PDE3A: variants seen among roughly 807,000 people sequenced by gnomAD.
PDE3A encodes phosphodiesterase 3A, also known as cGMP-inhibited 3',5'-cyclic phosphodiesterase 3A.
A neutral mutation model predicts 98.3 loss-of-function variants in PDE3A; 43 were observed. The ratio of observed to expected loss-of-function variants is 0.44; its 90% CI spans 0.34 to 0.56. PDE3A has a LOEUF of 0.56. Ranked by LOEUF, PDE3A falls within the 20% of genes least tolerant of loss-of-function variation. The pLI is 0.01. For synonymous variants in PDE3A, 663 were observed against 567.9 expected, an observed-to-expected ratio of 1.17 and a Z score of -2.38; for missense variants, 1,427 against 1,440.7, an observed-to-expected ratio of 0.99 and a Z score of 0.15.
At chr12:20,404,863 A>G (rs971555900) in intron 1 of PDE3A, among the ~76,000 whole-genome samples, 1 of 125,810 alleles carries the variant, frequency 7.9e-6, no homozygotes, top group African/African-American at 3.1e-5. Flanking sequence ...AGGAACTAGC[A>G]TGTAAATCCT....
intron 1 of PDE3A, among the ~76,000 whole-genome samples, chr12:20,466,623 A>T (rs1028571200): frequency 1.3e-5 from 2 of 152,226 alleles, no homozygotes; most frequent in African/African-American, 4.8e-5. Context: ...AGTGTCTCAT[A>T]TAAAAGGCAA....
At chr12:20,595,622 T>A (rs757287564) in intron 2 of PDE3A, among the ~76,000 whole-genome samples, 7 of 152,192 alleles carry the variant, frequency 4.6e-5, no homozygotes, top group Non-Finnish European at 1.0e-4. Flanking sequence ...AGAATGTAGC[T>A]GATGATAGAG....
intron 1 of PDE3A, among the ~76,000 whole-genome samples, chr12:20,492,573 A>G (rs978188466): frequency 2.6e-5 from 4 of 152,166 alleles, no homozygotes; most frequent in African/African-American, 9.7e-5. Context: ...GACCAAAGGC[A>G]CGAGGAGAGG....
rs1946045338 is a variant in PDE3A, at chr12:20,688,551, G to C, written c.*8280G>C. ...TATCTATGTCGATGTTATGAGTGAA[G>C]ATAATGTATAATATAAAAATAATTC... On this transcript the variant is annotated 3_prime_UTR_variant, in exon 16 of 16. Coordinates refer to ENST00000359062, the MANE Select transcript of PDE3A (RefSeq NM_000921.5). Among the ~76,000 whole-genome samples the C allele has an allele frequency of 6.6e-6, 1 of 151,786 alleles. No homozygotes were observed. The highest frequency in any genetic ancestry group is 1.5e-5 in the Non-Finnish European group (1 of 67,934).
intron 2 of PDE3A, among the ~76,000 whole-genome samples, chr12:20,567,092 A>C (rs940640608): frequency 3.9e-5 from 6 of 151,982 alleles, no homozygotes; most frequent in African/African-American, 1.4e-4. Flanking sequence ...ACTTCAAACA[A>C]GTTTTGCTAA....
At chr12:20,510,765 G>A (rs983507136) in intron 1 of PDE3A, among the ~76,000 whole-genome samples, 3 of 152,148 alleles carry the variant, frequency 2.0e-5, no homozygotes, top group South Asian at 4.1e-4. Flanking sequence ...TGAAGTTGAG[G>A]AAGATTCCAT....
intron 1 of PDE3A, among the ~76,000 whole-genome samples, chr12:20,478,042 C>CT (rs2120993939): frequency 6.6e-6 from 1 of 152,254 alleles, no homozygotes; most frequent in East Asian, 1.9e-4. Context: ...ATGTGTAAGG[C>CT]TTTAAGCTTC....
intron 1 of PDE3A, among the ~76,000 whole-genome samples, chr12:20,379,688 G>A (rs1345708055): frequency 6.6e-6 from 1 of 151,702 alleles, no homozygotes; most frequent in Non-Finnish European, 1.5e-5. Context: ...TGAGGTTGAG[G>A]TAGTGACTAA....
intron 5 of PDE3A, among the ~76,000 whole-genome samples, chr12:20,627,211 C>G (rs1454881974): frequency 1.3e-5 from 2 of 150,562 alleles, no homozygotes; most frequent in Non-Finnish European, 2.9e-5. Flanking sequence ...ATGAGAACAG[C>G]TAAGGAATTG....
At chr12:20,429,330 T>A (rs1397517245) in intron 1 of PDE3A, among the ~76,000 whole-genome samples, 1 of 152,226 alleles carries the variant, frequency 6.6e-6, no homozygotes, top group Non-Finnish European at 1.5e-5. Context: ...CTTCTTTTTT[T>A]CTTCAGTTAT....
At chr12:20,598,776 A>C (rs1378390155) in intron 2 of PDE3A, among the ~76,000 whole-genome samples, 1 of 152,200 alleles carries the variant, frequency 6.6e-6, no homozygotes, top group African/African-American at 2.4e-5. Flanking sequence ...TTCATTTCTT[A>C]TGTCGCCATA....
At chr12:20,465,556 C>T (rs952871586) in intron 1 of PDE3A, among the ~76,000 whole-genome samples, 6 of 151,868 alleles carry the variant, frequency 4.0e-5, no homozygotes, top group Middle Eastern at 3.2e-3. Context: ...ACTACAGGTG[C>T]GCGCCACTGT....
chr12:20,461,825 A>G (rs1435986916), intron 1 of PDE3A, among the ~76,000 whole-genome samples: 2 of 152,244 alleles, frequency 1.3e-5, no homozygotes, highest in African/African-American at 2.4e-5. Context: ...ATGTCAAAGT[A>G]TACATTTATA....
intron 1 of PDE3A, among the ~76,000 whole-genome samples, chr12:20,381,388 T>C (rs1256249033): frequency 1.3e-5 from 2 of 151,858 alleles, no homozygotes; most frequent in African/African-American, 4.8e-5. Flanking sequence ...CAAAATCAAA[T>C]GAATAATTCC....
intron 2 of PDE3A, among the ~76,000 whole-genome samples, chr12:20,566,963 A>G (rs531508678): frequency 6.6e-6 from 1 of 152,052 alleles, no homozygotes; most frequent in African/African-American, 2.4e-5. Flanking sequence ...GTATATGCAC[A>G]ATTATTGCAT....
At chr12:20,502,912 C>T (rs1946049110) in intron 1 of PDE3A, among the ~76,000 whole-genome samples, 1 of 152,042 alleles carries the variant, frequency 6.6e-6, no homozygotes, top group Admixed American at 6.6e-5. Context: ...CTAGCTATAC[C>T]ACTTACTAGC....
intron 1 of PDE3A, among the ~76,000 whole-genome samples, chr12:20,539,300 T>A (rs868384922): frequency 3.3e-5 from 5 of 152,196 alleles, no homozygotes; most frequent in Non-Finnish European, 5.9e-5. Context: ...ATACATTTTT[T>A]AAATTTTCTT....
At chr12:20,649,040 C>T in intron 13 of PDE3A, 149 bp downstream of exon 13, 1 of 601,892 alleles carries the variant, frequency 1.7e-6, no homozygotes, top group Non-Finnish European at 2.9e-6. Flanking sequence ...ATTCTCCTGC[C>T]TCAACGTCCC....
chr12:20,610,065 T>C (rs1943810362), intron 2 of PDE3A, among the ~76,000 whole-genome samples: 1 of 151,706 alleles, frequency 6.6e-6, no homozygotes, highest in African/African-American at 2.4e-5. Flanking sequence ...TCAAACTAAA[T>C]AGCTTCTGCA....
Sources: allele counts gnomAD v4.1 joint callset (sites outside exome capture counted in the v4.1 genomes callset), GRCh38; gene constraint gnomAD v4.1.1; transcripts MANE v1.5; gene names NCBI Gene and HGNC (gene_info 2026-07-23, HGNC 2026-07-21).